Variants in LRRTM4 observed in about 807,000 individuals in gnomAD.
The protein encoded by LRRTM4 is leucine rich repeat transmembrane neuronal 4, also known as leucine-rich repeat transmembrane neuronal protein 4.
A neutral mutation model predicts 47.6 loss-of-function variants in LRRTM4; 25 were observed. That is an observed-to-expected ratio of 0.53 (90% CI 0.38 to 0.73). LRRTM4 has a LOEUF of 0.73. LRRTM4 is among the 30% of genes least tolerant of loss of function. The probability of loss-of-function intolerance (pLI) is 0.00; values close to 1 mark genes in which losing one functional copy is unlikely to be tolerated. For missense variants in LRRTM4, 638 were observed against 713.4 expected (o/e 0.89, Z 1.20); for synonymous variants, 311 against 269.5 (o/e 1.15, Z -1.51).
intron 3 of LRRTM4, among the ~76,000 whole-genome samples, chr2:77,417,083 G>T (rs761526847): frequency 6.8e-6 from 1 of 148,094 alleles, no homozygotes; most frequent in African/African-American, 2.6e-5. Context: ...AGTGGGCAAA[G>T]GATATGAACA....
intron 3 of LRRTM4, among the ~76,000 whole-genome samples, chr2:77,188,866 G>A (rs2103873721): frequency 6.6e-6 from 1 of 152,242 alleles, no homozygotes; most frequent in South Asian, 2.1e-4. Context: ...CCACCAGTGA[G>A]TTCGATCATT....
intron 3 of LRRTM4, among the ~76,000 whole-genome samples, chr2:76,863,494 A>G (rs1207947176): frequency 6.6e-6 from 1 of 152,174 alleles, no homozygotes; most frequent in Non-Finnish European, 1.5e-5. Flanking sequence ...ATCTAAATTC[A>G]GAGTTTAGTA....
intron 3 of LRRTM4, among the ~76,000 whole-genome samples, chr2:76,937,517 T>C (rs1674996417): frequency 6.6e-6 from 1 of 152,200 alleles, no homozygotes; most frequent in Non-Finnish European, 1.5e-5. Context: ...TATTTTAATG[T>C]AGGCATTAGG....
At chr2:76,932,139 A>G (rs1674790273) in intron 3 of LRRTM4, among the ~76,000 whole-genome samples, 1 of 152,094 alleles carries the variant, frequency 6.6e-6, no homozygotes, top group African/African-American at 2.4e-5. Flanking sequence ...TGAGGCTGGA[A>G]AAAGTATCTT....
At chr2:77,138,565 AAAG>A (rs1283665877) in intron 3 of LRRTM4, among the ~76,000 whole-genome samples, 1 of 152,200 alleles carries the variant, frequency 6.6e-6, no homozygotes, top group Non-Finnish European at 1.5e-5. Flanking sequence ...AAAAAGAGCT[AAAG>A]AAGCAAGAGC....
intron 3 of LRRTM4, chr2:77,517,608 G>A (rs895371619): frequency 6.1e-6 from 6 of 980,510 alleles, no homozygotes; most frequent in Non-Finnish European, 7.2e-6. Context: ...CTATATCCCA[G>A]TAATTAAAAA....
rs186018517 is a variant in LRRTM4, at chr2:77,328,176, T to C, written c.1551+190142A>G. ...AAATAGGTTTTATCCATTAACTCCATAGCCTCCTTGATATAACCTGAGATT... is the reference window on the plus strand; with the variant it reads ...AAATAGGTTTTATCCATTAACTCCACAGCCTCCTTGATATAACCTGAGATT... On this transcript the variant is annotated intron_variant, in intron 3 of 3. Transcript: ENST00000409884. 1.4e-3 allele frequency among the ~76,000 whole-genome samples: 213 copies of C among 152,336 alleles called. 2 individuals are homozygous for C. Among genetic ancestry groups the C allele is most frequent in the Middle Eastern group, 0.01 (3 of 294 alleles).
At chr2:77,186,225 T>C (rs1673501923) in intron 3 of LRRTM4, among the ~76,000 whole-genome samples, 1 of 152,198 alleles carries the variant, frequency 6.6e-6, no homozygotes, top group African/African-American at 2.4e-5. Flanking sequence ...CCACATCCAA[T>C]CTTTCTGCTC....
At chr2:76,891,105 A>T (rs1673238382) in intron 3 of LRRTM4, among the ~76,000 whole-genome samples, 1 of 151,932 alleles carries the variant, frequency 6.6e-6, no homozygotes, top group Admixed American at 6.6e-5. Context: ...AAAGGAGGAG[A>T]AAAGAAGAAA....
At chr2:77,447,897 A>G (rs1418535794) in intron 3 of LRRTM4, among the ~76,000 whole-genome samples, 3 of 152,180 alleles carry the variant, frequency 2.0e-5, no homozygotes, top group African/African-American at 7.2e-5. Flanking sequence ...CAAAGGTGTT[A>G]GTAATGAATG....
chr2:76,901,467 T>G (rs746541576), intron 3 of LRRTM4, among the ~76,000 whole-genome samples: 1 of 151,612 alleles, frequency 6.6e-6, no homozygotes, highest in African/African-American at 2.4e-5. Context: ...ATGGGACCAC[T>G]GTGACTTAGA....
At chr2:76,974,201 T>TATACATAC (rs1558771634) in intron 3 of LRRTM4, among the ~76,000 whole-genome samples, 16 of 70,680 alleles carry the variant, frequency 2.3e-4, no homozygotes, top group African/African-American at 1.5e-3. Flanking sequence ...TATATACATA[T>TATACATAC]ATATATATAC....
intron 3 of LRRTM4, among the ~76,000 whole-genome samples, chr2:77,335,333 C>T (rs934466022): frequency 1.3e-5 from 2 of 152,138 alleles, no homozygotes; most frequent in Non-Finnish European, 2.9e-5. Context: ...TTCACCTACC[C>T]TTCCTCTTGT....
intron 3 of LRRTM4, among the ~76,000 whole-genome samples, chr2:77,129,187 G>A (rs1244723384): frequency 6.6e-6 from 1 of 152,152 alleles, no homozygotes; most frequent in Non-Finnish European, 1.5e-5. Context: ...GACTACATCA[G>A]TATTGTTACT....
chr2:77,315,267 A>G (rs1165221404), intron 3 of LRRTM4, among the ~76,000 whole-genome samples: 2 of 152,204 alleles, frequency 1.3e-5, no homozygotes, highest in East Asian at 3.9e-4. Context: ...TTGCTTAAAA[A>G]TCATAAAACA....
intron 3 of LRRTM4, among the ~76,000 whole-genome samples, chr2:77,500,792 C>A (rs1416405269): frequency 6.6e-6 from 1 of 151,376 alleles, no homozygotes; most frequent in Non-Finnish European, 1.5e-5. Context: ...ATCTCAATAT[C>A]CTAAACATCT....
At chr2:77,114,402 G>A (rs7608805) in intron 3 of LRRTM4, among the ~76,000 whole-genome samples, 87,656 of 151,748 alleles carry the variant, frequency 0.58, 25,691 homozygotes, top group East Asian at 0.68. Flanking sequence ...TAGCAGAGAT[G>A]AGCATGATGT....
At chr2:77,055,090 G>A (rs1234318588) in intron 3 of LRRTM4, among the ~76,000 whole-genome samples, 1 of 152,144 alleles carries the variant, frequency 6.6e-6, no homozygotes, top group African/African-American at 2.4e-5. Context: ...AGCAGAAGAG[G>A]ATACTGACTC....
chr2:76,870,742 G>A (rs1335102485), intron 3 of LRRTM4, among the ~76,000 whole-genome samples: 1 of 152,138 alleles, frequency 6.6e-6, no homozygotes, highest in Non-Finnish European at 1.5e-5. Flanking sequence ...ACAGGAGGAA[G>A]GGTGAGTCAA....
Sources: allele counts gnomAD v4.1 joint callset (sites outside exome capture counted in the v4.1 genomes callset), GRCh38; gene constraint gnomAD v4.1.1; transcripts MANE v1.5; gene names NCBI Gene and HGNC (gene_info 2026-07-23, HGNC 2026-07-21).